GUCY2C: variants seen among roughly 807,000 people sequenced by gnomAD.
The protein encoded by GUCY2C is guanylyl cyclase C.
GUCY2C carries 118 observed loss-of-function variants against 131.1 expected under a neutral mutation model. The ratio of observed to expected loss-of-function variants is 0.90; its 90% CI spans 0.78 to 1.05. The LOEUF (loss-of-function observed/expected upper bound fraction) is 1.05, where lower values mean the gene tolerates loss of function less well. Ranked by LOEUF, GUCY2C falls within the 50% of genes least tolerant of loss-of-function variation. GUCY2C has a pLI of 0.00. For synonymous variants in GUCY2C, 452 were observed against 457.8 expected (o/e 0.99, Z 0.16); for missense variants, 1,161 against 1,304.4 (o/e 0.89, Z 1.69).
rs372784202 is a variant in GUCY2C, at chr12:14,676,845, A to C, written c.948+9T>G. 18 of 987,098 alleles carry C rather than the reference A, an allele frequency of 1.8e-5. No homozygotes were observed. The highest frequency in any genetic ancestry group is 2.5e-5 in the Non-Finnish European group (17 of 671,370). 61.1% of individuals were successfully genotyped at this position (987,098 alleles called of 1,614,324 possible). Reference sequence around the variant, plus strand: ...ATAATTTATACTATAACATAAAATAATAGCTTACTGGTGATAGATTCCTGG... The same window carrying C: ...ATAATTTATACTATAACATAAAATACTAGCTTACTGGTGATAGATTCCTGG... On this transcript the variant is annotated intron_variant, in intron 7 of 26. Coordinates refer to ENST00000261170, the MANE Select transcript of GUCY2C (RefSeq NM_004963.4).
Position 14,616,700 on chromosome 12 carries a change from G to C in GUCY2C, c.2903C>G (p.Thr968Ser). ...CTCAGTTCTCTTCAGGATGGCTATG[G>C]TGGAGCCACTCACGTGAATTCTCAA... ...LPLRIHVSGS[T>S]IAILKRTECQ... The change falls in exon 25 of 27, where the codon ACC becomes AGC. Residue 968 changes from threonine to serine, a missense_variant. By Grantham distance (58) the Thr-to-Ser change is moderately conservative. Transcript: ENST00000261170. 6.2e-7 allele frequency: 1 copy of C among 1,605,408 alleles called. No homozygotes were observed. Among genetic ancestry groups the C allele is most frequent in the Non-Finnish European group, 8.5e-7 (1 of 1,172,192 alleles).
chr12:14,651,952 T>C lies in GUCY2C; in HGVS notation c.1605+7A>G, dbSNP rs769626810. 6.7e-7 allele frequency: 1 copy of C among 1,487,560 alleles called. No homozygotes were observed. Among genetic ancestry groups the C allele is most frequent in the Non-Finnish European group, 9.4e-7 (1 of 1,065,860 alleles). The allele number at this position is 1,487,560 out of a possible 1,614,324, so 92.1% of individuals were successfully genotyped here. The stretch of plus-strand genomic sequence containing the variant: ...TTTCTCAAGGGTTTGAAGTAAGGGC[T>C]ACATACCTTGTTCAATTCTATCTTC... On this transcript the variant is annotated splice_region_variant and intron_variant, in intron 14 of 26. Transcript: ENST00000261170.
intron 4 of GUCY2C, among the ~76,000 whole-genome samples, chr12:14,682,282 G>T (rs1209528577): frequency 6.6e-6 from 1 of 152,132 alleles, no homozygotes; most frequent in Non-Finnish European, 1.5e-5. Context: ...GGAGGTAATT[G>T]AACCATGGGG....
intron 18 of GUCY2C, 68 bp from the exon 19 acceptor site, chr12:14,640,018 C>G: frequency 9.4e-7 from 1 of 1,058,872 alleles, no homozygotes; most frequent in Non-Finnish European, 1.5e-6. Context: ...GGAATTTCAA[C>G]AGAAATCCAG....
intron 19 of GUCY2C, among the ~76,000 whole-genome samples, chr12:14,636,138 G>C (rs1592094944): frequency 6.6e-6 from 1 of 151,880 alleles, no homozygotes; most frequent in East Asian, 1.9e-4. Context: ...ACCAGACAAG[G>C]ATACAACAAA....
intron 16 of GUCY2C, among the ~76,000 whole-genome samples, chr12:14,644,368 A>C (rs534523841): frequency 6.6e-6 from 1 of 152,318 alleles, no homozygotes; most frequent in South Asian, 2.1e-4. Context: ...TCCGTCTCAA[A>C]AAATAAAAAA....
intron 7 of GUCY2C, among the ~76,000 whole-genome samples, chr12:14,676,504 A>T (rs1356791085): frequency 1.3e-5 from 2 of 152,330 alleles, no homozygotes; most frequent in African/African-American, 4.8e-5. Context: ...GCTTTATTTT[A>T]CATTATTTAA....
In GUCY2C at chr12:14,628,667, G is replaced by A. The variant is rs766885194; in HGVS notation, c.2228C>T (p.Thr743Ile). The part of the protein sequence containing the change: ...EKRPDFKKIE[T>I]TLAKIFGLFH... ...ATACCCAAATATCTTGGCAAGTGTA[G>A]TCTCAATTTTTTTGAAATCTGGTCT... Residue 743 changes from threonine to isoleucine, a missense_variant, in exon 20 of 27, where the codon ACT becomes ATT. Coordinates refer to ENST00000261170, the MANE Select transcript of GUCY2C (RefSeq NM_004963.4). 4 of 1,567,410 alleles carry A rather than the reference G, an allele frequency of 2.6e-6. No individual in the cohort carries two copies. The South Asian group carries it at 3.3e-5, about 13-fold the overall frequency.
chr12:14,643,778 A>G (rs1565615811), intron 16 of GUCY2C, 72 bp from the exon 17 acceptor site: 2 of 1,429,658 alleles, frequency 1.4e-6, no homozygotes, highest in East Asian at 2.3e-5. Context: ...TAAAGAAAAA[A>G]GTGACATTTG....
At chr12:14,646,096 A>C (rs1565616999) in intron 15 of GUCY2C, among the ~76,000 whole-genome samples, 1 of 152,116 alleles carries the variant, frequency 6.6e-6, no homozygotes, top group African/African-American at 2.4e-5. Flanking sequence ...TCAGCCTCCC[A>C]AAGTGCTGGG....
At chr12:14,683,400 T>C (rs753432951) in intron 3 of GUCY2C, 143 bp from the exon 4 acceptor site, 15 of 617,018 alleles carry the variant, frequency 2.4e-5, no homozygotes, top group Non-Finnish European at 3.7e-5. Context: ...CTCATGTATA[T>C]AGGTGTCTTT....
At chr12:14,668,711 C>T (rs1460840818) in intron 10 of GUCY2C, among the ~76,000 whole-genome samples, 4 of 151,178 alleles carry the variant, frequency 2.6e-5, no homozygotes, top group Non-Finnish European at 4.4e-5. Flanking sequence ...TTCCTAGTCA[C>T]ATGGAATTAC....
Position 14,622,124 on chromosome 12 carries a change from T to C in GUCY2C, c.2482A>G (p.Ser828Gly). The C allele has an allele frequency of 1.9e-6, 3 of 1,607,660 alleles. No individual in the cohort carries two copies. Among genetic ancestry groups the C allele is most frequent in the Non-Finnish European group, 2.5e-6 (3 of 1,177,372 alleles). The change falls in exon 22 of 27, where the codon AGT (serine) becomes GGT (glycine). Residue 828 changes from serine (S) to glycine (G), a missense_variant. By Grantham distance (56) the Ser-to-Gly change is moderately conservative (BLOSUM62 0). Transcript: ENST00000261170. ...ELYEEVTIYF[S>G]DIVGFTTICK... ...ATAGTAGTGAAACCTACAATGTCAC[T>C]GAAGTAGATTGTAACTTCCTCATAT...
At position 14,632,169 on chromosome 12, in the gene GUCY2C, T is replaced by C. The variant is rs60461367; in HGVS notation, c.2158-3432A>G. ...TAGGTTGCGAAAATTTTCTCCCATT[T>C]TGTAGGTTGCCTGTTCACTCTGATG... is the stretch of plus-strand genomic sequence containing the variant. On this transcript the variant is annotated intron_variant, in intron 19 of 26. Coordinates refer to ENST00000261170, the MANE Select transcript of GUCY2C (RefSeq NM_004963.4). 1.3e-3 allele frequency among the ~76,000 whole-genome samples: 197 copies of C among 152,218 alleles called. 1 individual carries two copies. The highest frequency in any genetic ancestry group is 4.7e-3 in the African/African-American group (195 of 41,554).
At chr12:14,635,650 A>T (rs1174551434) in intron 19 of GUCY2C, among the ~76,000 whole-genome samples, 3 of 152,158 alleles carry the variant, frequency 2.0e-5, no homozygotes, top group Non-Finnish European at 4.4e-5. Flanking sequence ...AATACAAAGG[A>T]TCATTGAAAT....
Position 14,676,918 on chromosome 12 carries a change from A to T in GUCY2C, c.884T>A (p.Leu295His). The change falls in exon 7 of 27, where the codon CTT becomes CAT. Residue 295 changes from leucine to histidine, a missense_variant. Transcript: ENST00000261170. ...VTAPDYMKNV[L>H]VLTLSPGNSL... Reference sequence around the variant, plus strand: ...ATTCCCAGGAGACAGCGTCAGAACAAGGACATTTTTCATATAGTCAGGGGC... The same window carrying T: ...ATTCCCAGGAGACAGCGTCAGAACATGGACATTTTTCATATAGTCAGGGGC... The T allele has an allele frequency of 6.3e-7, 1 of 1,577,598 alleles. No individual in the cohort carries two copies. The highest frequency in any genetic ancestry group is 8.7e-7 in the Non-Finnish European group (1 of 1,154,568).
intron 22 of GUCY2C, among the ~76,000 whole-genome samples, chr12:14,621,501 T>A (rs1367375253): frequency 1.3e-5 from 2 of 152,178 alleles, no homozygotes; most frequent in African/African-American, 2.4e-5. Flanking sequence ...TCTAGAAATG[T>A]TCAAATAAAT....
intron 10 of GUCY2C, among the ~76,000 whole-genome samples, chr12:14,664,971 T>A (rs547167318): frequency 6.6e-6 from 1 of 152,216 alleles, no homozygotes; most frequent in East Asian, 1.9e-4. Flanking sequence ...CCCAGCACTT[T>A]GGGAAGCCAA....
At chr12:14,688,772 C>T (rs906708176) in intron 1 of GUCY2C, among the ~76,000 whole-genome samples, 8 of 152,166 alleles carry the variant, frequency 5.3e-5, no homozygotes, top group East Asian at 1.9e-4. Flanking sequence ...CTGGGACCTG[C>T]GTGAAGACTT....
Sources: allele counts gnomAD v4.1 joint callset (sites outside exome capture counted in the v4.1 genomes callset), GRCh38; gene constraint gnomAD v4.1.1; transcripts MANE v1.5; gene names NCBI Gene and HGNC (gene_info 2026-07-23, HGNC 2026-07-21).